TNKS: variants seen among roughly 807,000 people sequenced by gnomAD.
The protein encoded by TNKS is poly [ADP-ribose] polymerase tankyrase-1.
In TNKS, 72 loss-of-function variants were observed where a neutral mutation model predicts 135.8. The observed-to-expected ratio is 0.53, with a 90% CI of 0.44 to 0.64. TNKS has a LOEUF of 0.64. Among genes scored for constraint, TNKS ranks in the 30% least tolerant of loss-of-function variants. The pLI is 0.00. For synonymous variants in TNKS, 849 were observed against 649.3 expected (o/e 1.31, Z -4.68); for missense variants, 1,769 against 1,674.0 (o/e 1.06, Z -0.99).
intron 1 of TNKS, among the ~76,000 whole-genome samples, chr8:9,573,874 T>C (rs930731140): frequency 6.6e-6 from 1 of 152,236 alleles, no homozygotes; most frequent in Non-Finnish European, 1.5e-5. Flanking sequence ...TTTTCTCTTT[T>C]ATTAAATTTC....
At chr8:9,754,453 C>A (rs1375578223) in intron 20 of TNKS, among the ~76,000 whole-genome samples, 2 of 152,070 alleles carry the variant, frequency 1.3e-5, no homozygotes, top group Admixed American at 1.3e-4. Flanking sequence ...AACTTAAAAA[C>A]CAGGTCTTTT....
At chr8:9,672,864 C>T (rs1403128380) in intron 3 of TNKS, among the ~76,000 whole-genome samples, 1 of 152,102 alleles carries the variant, frequency 6.6e-6, no homozygotes. Flanking sequence ...TTCCCTCCCT[C>T]CTTCCGTCTT....
At chr8:9,672,745 C>T (rs1300846703) in intron 3 of TNKS, among the ~76,000 whole-genome samples, 1 of 150,598 alleles carries the variant, frequency 6.6e-6, no homozygotes, top group Non-Finnish European at 1.5e-5. Context: ...TCCCACTTCC[C>T]CCAGCCCCTA....
chr8:9,687,684 C>T (rs1036131882), intron 5 of TNKS, among the ~76,000 whole-genome samples: 4 of 152,174 alleles, frequency 2.6e-5, no homozygotes, highest in African/African-American at 7.2e-5. Flanking sequence ...CCATTTACCT[C>T]TATTTAGCCA....
intron 5 of TNKS, among the ~76,000 whole-genome samples, chr8:9,698,303 A>T (rs967540578): frequency 6.7e-6 from 1 of 148,382 alleles, no homozygotes; most frequent in African/African-American, 2.5e-5. Context: ...CATGCTCACT[A>T]CTTGACTGCA....
chr8:9,588,915 C>G (rs2129055233), intron 2 of TNKS, among the ~76,000 whole-genome samples: 1 of 152,270 alleles, frequency 6.6e-6, no homozygotes, highest in South Asian at 2.1e-4. Context: ...GAAGAAGAAG[C>G]TTATCCAAGT....
chr8:9,564,683 G>A (rs1797457760), intron 1 of TNKS, among the ~76,000 whole-genome samples: 1 of 152,018 alleles, frequency 6.6e-6, no homozygotes, highest in Non-Finnish European at 1.5e-5. Flanking sequence ...AGCTACTTTG[G>A]CTTATGTTTA....
intron 1 of TNKS, among the ~76,000 whole-genome samples, chr8:9,560,483 C>T (rs1221997221): frequency 2.2e-5 from 3 of 135,418 alleles, no homozygotes; most frequent in Non-Finnish European, 4.7e-5. Flanking sequence ...TTCAGCATGG[C>T]CATACTTGTC....
intron 19 of TNKS, 128 bp from the exon 20 acceptor site, chr8:9,752,416 G>T (rs942692606): frequency 1.6e-6 from 1 of 639,932 alleles, no homozygotes; most frequent in Non-Finnish European, 2.7e-6. Flanking sequence ...TGTGTATTCT[G>T]TATTATTTTA....
chr8:9,745,884 C>G (rs187407868), intron 17 of TNKS, among the ~76,000 whole-genome samples: 118 of 152,236 alleles, frequency 7.8e-4, no homozygotes, highest in Non-Finnish European at 1.0e-3. Flanking sequence ...AAGTTAAATA[C>G]TACCTCAGAA....
chr8:9,715,072 G>A (rs1421439024), intron 11 of TNKS, among the ~76,000 whole-genome samples: 2 of 152,120 alleles, frequency 1.3e-5, no homozygotes, highest in African/African-American at 4.8e-5. Flanking sequence ...TTCTATCACA[G>A]TGTCTACAGA....
At chr8:9,616,599 G>T (rs567031578) in intron 3 of TNKS, among the ~76,000 whole-genome samples, 1 of 152,290 alleles carries the variant, frequency 6.6e-6, no homozygotes, top group South Asian at 2.1e-4. Flanking sequence ...CAAAAATACT[G>T]AGGCGAAGGG....
At chr8:9,624,988 C>A (rs1420457221) in intron 3 of TNKS, among the ~76,000 whole-genome samples, 1 of 152,012 alleles carries the variant, frequency 6.6e-6, no homozygotes, top group South Asian at 2.1e-4. Context: ...AAATGCAGAA[C>A]CCACAGATAC....
At chr8:9,690,960 T>A (rs1803238557) in intron 5 of TNKS, among the ~76,000 whole-genome samples, 2 of 152,182 alleles carry the variant, frequency 1.3e-5, no homozygotes, top group South Asian at 4.1e-4. Context: ...CAATGCAGTG[T>A]TAGAACCTTC....
chr8:9,678,750 C>T lies in TNKS; in HGVS notation c.995-1201C>T, dbSNP rs553513149. On this transcript the variant is annotated intron_variant, in intron 3 of 26. Coordinates refer to ENST00000310430, the MANE Select transcript of TNKS (RefSeq NM_003747.3). ...CTGCATTCTTTAGCAAAACAAAATG[C>T]GAAGTCCATATTTACACATAAGATT... Among the ~76,000 whole-genome samples, 9 of 152,152 alleles carry T rather than the reference C, an allele frequency of 5.9e-5. No individual in the cohort carries two copies. In the South Asian group the frequency reaches 8.3e-4, roughly 14 times the overall value.
At chr8:9,772,430 C>G (rs918299107) in intron 26 of TNKS, 1 of 454,680 alleles carries the variant, frequency 2.2e-6, no homozygotes, top group Admixed American at 2.4e-5. Context: ...TGATGTAAGT[C>G]TAATCAAAAT....
At chr8:9,660,964 G>T (rs1181464011) in intron 3 of TNKS, among the ~76,000 whole-genome samples, 1 of 147,904 alleles carries the variant, frequency 6.8e-6, no homozygotes, top group Non-Finnish European at 1.5e-5. Flanking sequence ...GCCAAATCAT[G>T]AGTGAACTCC....
At chr8:9,743,536 T>C (rs1331957965) in intron 17 of TNKS, 1 of 152,186 alleles carries the variant, frequency 6.6e-6, no homozygotes, top group South Asian at 2.1e-4. Flanking sequence ...CATGTGGAAA[T>C]TGCATTAACT....
chr8:9,618,792 A>T (rs1323686945), intron 3 of TNKS, among the ~76,000 whole-genome samples: 1 of 152,242 alleles, frequency 6.6e-6, no homozygotes, highest in African/African-American at 2.4e-5. Context: ...CTACTTAGAG[A>T]TAACATTTTG....
Sources: gnomAD v4.1 joint callset for allele counts (sites outside exome capture counted in the v4.1 genomes callset) on GRCh38, gnomAD v4.1.1 for gene constraint, MANE v1.5 for transcripts, NCBI Gene and HGNC (gene_info 2026-07-23, HGNC 2026-07-21) for gene names.